Variants in ACTN3 observed in about 807,000 individuals in gnomAD.
ACTN3 encodes alpha-actinin-3.
Under a neutral mutation model 119.6 loss-of-function variants are expected in ACTN3, and 91 were observed. That is an observed-to-expected ratio of 0.76 (90% CI 0.64 to 0.91). ACTN3 has a LOEUF of 0.91. Ranked by LOEUF, ACTN3 falls within the 40% of genes least tolerant of loss-of-function variation. The pLI is 0.00. For missense variants in ACTN3, 1,221 were observed against 1,215.1 expected (o/e 1.00, Z -0.07); for synonymous variants, 456 against 478.8 (o/e 0.95, Z 0.62).
chr11:66,562,863 A>G lies in ACTN3; in HGVS notation c.2456A>G (p.Gln819Arg). ...AACGCAGCTGGGGTGGTGACCTTCC[A>G]GGCCTTCATAGACTTCATGACCCGA... ...DPNAAGVVTF[Q>R]AFIDFMTRET... Residue 819 changes from glutamine (Q) to arginine (R), a missense_variant, in exon 20 of 21, where the codon CAG becomes CGG. Gln to Arg is a conservative substitution (Grantham distance 43). This residue lies in a region of ACTN3 where 934 missense variants were observed against 899.9 expected (regional missense o/e 1.04). Coordinates refer to ENST00000513398, the MANE Select transcript of ACTN3 (RefSeq NM_001104.4). 6.2e-7 allele frequency: 1 copy of G among 1,613,804 alleles called. No individual in the cohort carries two copies. Among genetic ancestry groups the G allele is most frequent in the South Asian group, 1.1e-5 (1 of 91,076 alleles).
Position 66,557,788 on chromosome 11 carries a change from C to T in ACTN3, c.987C>T (p.Asp329=), listed in dbSNP as rs2134932423. The T allele has an allele frequency of 6.2e-7, 1 of 1,613,924 alleles. No individual in the cohort carries two copies. The highest frequency in any genetic ancestry group is 2.2e-5 in the East Asian group (1 of 44,874). Reference sequence around the variant, plus strand: ...GTGCCATGCAGCGCAAACTAGAGGACTTTCGGGACTACCGGCGTCTGCACA... The same window carrying T: ...GTGCCATGCAGCGCAAACTAGAGGATTTTCGGGACTACCGGCGTCTGCACA... The part of the protein sequence containing the change: ...SMSAMQRKLE[D]FRDYRRLHKP... Residue 329 remains aspartate (D), a synonymous_variant, in exon 10 of 21, where the codon GAC becomes GAT. Coordinates refer to ENST00000513398, the MANE Select transcript of ACTN3 (RefSeq NM_001104.4).
In ACTN3 at chr11:66,562,275, G is replaced by C. The variant is rs551047804; in HGVS notation, c.2341G>C (p.Glu781Gln). ...CCTACAGAAGCAGAATGGGATGATG[G>C]AGCCTGATGACTTCCGAGCTTGCCT... Reference protein sequence around the residue: ...HFDRKQNGMMEPDDFRACLIS... With the variant: ...HFDRKQNGMMQPDDFRACLIS... Residue 781 changes from glutamate (E) to glutamine (Q), a missense_variant, in exon 19 of 21, where the codon GAG becomes CAG. Glu to Gln is a conservative substitution (Grantham distance 29, BLOSUM62 2). This residue lies in a region of ACTN3 where 934 missense variants were observed against 899.9 expected (regional missense o/e 1.04). Transcript: ENST00000513398. 6.2e-7 allele frequency: 1 copy of C among 1,613,712 alleles called. No individual in the cohort carries two copies. Among genetic ancestry groups the C allele is most frequent in the Non-Finnish European group, 8.5e-7 (1 of 1,179,868 alleles).
chr11:66,546,577 C>T (rs1178613692), upstream of ACTN3: 1 of 1,535,666 alleles, frequency 6.5e-7, no homozygotes, highest in South Asian at 1.2e-5. Flanking sequence ...CTCCAGAGGG[C>T]AGCCTCTAGA....
intron 7 of ACTN3, among the ~76,000 whole-genome samples, chr11:66,555,784 T>C (rs1397418838): frequency 1.3e-5 from 2 of 152,130 alleles, no homozygotes; most frequent in Admixed American, 1.3e-4. Flanking sequence ...GGAGAAGAAC[T>C]TTTTCTTGCC....
intron 8 of ACTN3, 156 bp downstream of exon 8, chr11:66,556,386 G>T: frequency 4.9e-6 from 1 of 205,390 alleles, no homozygotes; most frequent in Non-Finnish European, 8.6e-6. Context: ...ACCCTGGTTT[G>T]GAAACTCACT....
chr11:66,547,320 G>T lies in ACTN3; in HGVS notation c.147+236G>T, dbSNP rs962218891. The stretch of plus-strand genomic sequence containing the variant: ...TTCTGGGCTCCCCACCCCCACCAGG[G>T]TTCATTCCCCTGGGCCCACTGCCCC... On this transcript the variant is annotated intron_variant, in intron 1 of 20. Transcript: ENST00000513398. Among the ~76,000 whole-genome samples the T allele has an allele frequency of 7.9e-5, 12 of 152,262 alleles. No homozygotes were observed. In the East Asian group the frequency reaches 1.5e-3, roughly 20 times the overall value.
chr11:66,547,872 T>C (rs939922331), intron 1 of ACTN3, among the ~76,000 whole-genome samples: 2 of 152,124 alleles, frequency 1.3e-5, no homozygotes, highest in Non-Finnish European at 2.9e-5. Context: ...GCCCAGCCCG[T>C]TGGGCACTCA....
chr11:66,552,880 T>A lies in ACTN3; in HGVS notation c.383-1165T>A, dbSNP rs5792393. On this transcript the variant is annotated intron_variant, in intron 3 of 20. Transcript: ENST00000513398. ...CTCTCTCTCTCTCTCTCTCTCTCTC[T>A]CACACACACACACACACACACACAC... Among the ~76,000 whole-genome samples, 366 of 114,770 alleles carry A rather than the reference T, an allele frequency of 3.2e-3. 1 individual carries two copies. Among genetic ancestry groups the A allele is most frequent in the Middle Eastern group, 8.5e-3 (2 of 234 alleles). 75.3% of individuals were successfully genotyped at this position (114,770 alleles called of 152,430 possible). A position where few individuals can be genotyped will look rare whatever the true frequency, so the allele number is the denominator to read the frequency against.
chr11:66,554,744 AG>A (rs1857554611), intron 5 of ACTN3, 121 bp downstream of exon 5: 8 of 793,310 alleles, frequency 1.0e-5, no homozygotes, highest in South Asian at 9.4e-5. Context: ...AGGGAAGGAA[AG>A]GTCACAGTTC....
chr11:66,560,458 T>C, intron 14 of ACTN3, 115 bp from the exon 15 acceptor site: 1 of 1,471,518 alleles, frequency 6.8e-7, no homozygotes, highest in South Asian at 1.4e-5. Flanking sequence ...GAGGCCGGGG[T>C]TCTTGTGTCA....
chr11:66,555,063 C>A, intron 5 of ACTN3, 67 bp from the exon 6 acceptor site: 1 of 1,465,756 alleles, frequency 6.8e-7, no homozygotes, highest in African/African-American at 1.4e-5. Context: ...GGGGGTGCTC[C>A]TGGGCCGAGG....
At position 66,557,236 on chromosome 11, in the gene ACTN3, G is replaced by A. The variant is rs562208344; in HGVS notation, c.897+11G>A. 1 of 1,551,564 alleles carries A rather than the reference G, an allele frequency of 6.4e-7. No homozygotes were observed. Among genetic ancestry groups the A allele is most frequent in the Admixed American group, 2.0e-5 (1 of 51,010 alleles). ...AAGCTTGCCAGTGAGGTGAGGCTGG[G>A]CTCCCACCGTGCTCTCCCCACCCCA... On this transcript the variant is annotated intron_variant, in intron 9 of 20. Transcript: ENST00000513398.
intron 3 of ACTN3, among the ~76,000 whole-genome samples, chr11:66,552,131 G>A (rs1236143254): frequency 6.6e-6 from 1 of 151,226 alleles, no homozygotes; most frequent in Non-Finnish European, 1.5e-5. Context: ...TGTAATCCCA[G>A]CACTTTGGGA....
chr11:66,561,164 A>G, intron 15 of ACTN3, 63 bp from the exon 16 acceptor site: 1 of 1,460,048 alleles, frequency 6.8e-7, no homozygotes, highest in Non-Finnish European at 9.1e-7. Context: ...GCTGGAGCCC[A>G]TCTCCCCTAA....
rs377612653 is a variant in ACTN3, at chr11:66,561,468, G to A, written c.2006G>A (p.Arg669Gln). 221 of 1,600,154 alleles carry A rather than the reference G, an allele frequency of 1.4e-4. No individual in the cohort carries two copies. The highest frequency in any genetic ancestry group is 3.0e-4 in the South Asian group (27 of 88,970). The change falls in exon 17 of 21, where the codon CGG (arginine) becomes CAG (glutamine). Residue 669 changes from arginine to glutamine, a missense_variant. By Grantham distance (43) the Arg-to-Gln change is conservative. This residue lies in a region of ACTN3 where 934 missense variants were observed against 899.9 expected (regional missense o/e 1.04). Transcript: ENST00000513398. ...WIQAKVEEVG[R>Q]LAAGLAGSLE... is the part of the protein sequence containing the mutation. ...TGGGAACCCCTGCAGGAAGTGGGGCGGCTGGCAGCAGGGCTAGCTGGCTCT... is the reference window on the plus strand; with the variant it reads ...TGGGAACCCCTGCAGGAAGTGGGGCAGCTGGCAGCAGGGCTAGCTGGCTCT...
At chr11:66,558,358 C>T (rs1004786996) in intron 11 of ACTN3, 184 bp downstream of exon 11, 8 of 378,082 alleles carry the variant, frequency 2.1e-5, no homozygotes, top group Non-Finnish European at 2.9e-5. Context: ...CTCTTTTGGC[C>T]ACTGCCCCTC....
chr11:66,560,249 C>T lies in ACTN3; in HGVS notation c.1615C>T (p.Leu539=). 1.2e-6 allele frequency: 2 copies of T among 1,613,158 alleles called. No individual in the cohort carries two copies. The highest frequency in any genetic ancestry group is 1.7e-6 in the Non-Finnish European group (2 of 1,179,604). The change falls in exon 14 of 21, where the codon CTG becomes TTG. Residue 539 remains leucine, a synonymous_variant. Transcript: ENST00000513398. The part of the protein sequence containing the change: ...ARRAAPFNNW[L]DGAVEDLQDV... ...GCGGGCCGCGCCCTTCAACAACTGG[C>T]TGGATGGTGCCGTGGAGGACCTGCA...
rs1161094835 is a variant in ACTN3, at chr11:66,557,699, C to T, written c.898C>T (p.Leu300=). ...CCTTGCCCCTGCCTGGCCCTGTCAG[C>T]TGCTGGAGTGGATCCGCCGCACTGT... The part of the protein sequence containing the change: ...MEEYEKLASE[L]LEWIRRTVPW... Residue 300 remains leucine, a splice_region_variant and synonymous_variant, in exon 10 of 21, where the codon CTG becomes TTG. Transcript: ENST00000513398. 1 of 1,608,626 alleles carries T rather than the reference C, an allele frequency of 6.2e-7. No individual in the cohort carries two copies. Among genetic ancestry groups the T allele is most frequent in the South Asian group, 1.1e-5 (1 of 89,980 alleles).
intron 1 of ACTN3, 77 bp downstream of exon 1, chr11:66,547,161 T>C (rs2134911172): frequency 7.1e-7 from 1 of 1,405,904 alleles, no homozygotes; most frequent in Non-Finnish European, 9.3e-7. Flanking sequence ...ATCTCAGCAG[T>C]GCAGGGGCAG....
Sources: gnomAD v4.1 joint callset for allele counts (sites outside exome capture counted in the v4.1 genomes callset) on GRCh38, gnomAD v4.1.1 for gene constraint, gnomAD v4.1.1 regional missense constraint, MANE v1.5 for transcripts, NCBI Gene and HGNC (gene_info 2026-07-23, HGNC 2026-07-21) for gene names.